The following KLHL4 variants were observed in gnomAD, a reference collection of about 807,000 sequenced individuals.
KLHL4 encodes kelch-like protein 4.
Under a neutral mutation model 45.8 loss-of-function variants are expected in KLHL4, and 17 were observed. That is an observed-to-expected ratio of 0.37 (90% CI 0.25 to 0.56). KLHL4 has a LOEUF of 0.56. Ranked by LOEUF, KLHL4 falls within the 20% of genes least tolerant of loss-of-function variation. KLHL4 has a pLI of 0.79. For missense variants in KLHL4, 544 were observed against 544.9 expected, an observed-to-expected ratio of 1.00 and a Z score of 0.02; for synonymous variants, 224 against 189.9, an observed-to-expected ratio of 1.18 and a Z score of -1.47.
At chrX:87,547,911 A>G (rs1157383103) in intron 1 of KLHL4, among the ~76,000 whole-genome samples, 2 of 112,246 alleles carry the variant, frequency 1.8e-5, no homozygotes, top group Admixed American at 9.5e-5. Flanking sequence ...TATTCACCTT[A>G]AAGAAAAGGT....
rs1432716140 is a variant in KLHL4, at chrX:87,622,221, T to C, written c.935T>C (p.Ile312Thr). Reference sequence around the variant, plus strand: ...ACCTTTCTTTTCTAGGAACACTTCATTGAGGTAATAAAAAACCAAGAATTC... The same window carrying C: ...ACCTTTCTTTTCTAGGAACACTTCACTGAGGTAATAAAAAACCAAGAATTC... ...VAHKYTMEHFIEVIKNQEFLL... is the reference protein window; with the variant it reads ...VAHKYTMEHFTEVIKNQEFLL... The change falls in exon 5 of 11, where the codon ATT (isoleucine) becomes ACT (threonine). Residue 312 changes from isoleucine to threonine, a missense_variant. Ile to Thr is a moderately conservative substitution (Grantham distance 89, BLOSUM62 -1). Coordinates refer to ENST00000373119, the MANE Select transcript of KLHL4 (RefSeq NM_019117.5). 3 of 1,200,648 alleles carry C rather than the reference T, an allele frequency of 2.5e-6. No individual in the cohort carries two copies. The highest frequency in any genetic ancestry group is 1.1e-6 in the Non-Finnish European group (1 of 885,648).
intron 1 of KLHL4, among the ~76,000 whole-genome samples, chrX:87,550,227 G>A (rs770635111): frequency 2.7e-5 from 3 of 110,677 alleles, no homozygotes; most frequent in African/African-American, 9.8e-5. Flanking sequence ...AACCTGAGCC[G>A]ACCAATAACA....
intron 1 of KLHL4, among the ~76,000 whole-genome samples, chrX:87,581,088 T>C (rs1199002350): frequency 1.8e-5 from 2 of 112,576 alleles, no homozygotes; most frequent in Non-Finnish European, 3.8e-5. Flanking sequence ...GACATGGCTA[T>C]TTTGTCAAGG....
chrX:87,640,198 TAA>T (rs1923406262), intron 9 of KLHL4, among the ~76,000 whole-genome samples: 1 of 110,533 alleles, frequency 9.0e-6, no homozygotes, highest in African/African-American at 3.3e-5. Flanking sequence ...AAACAGTAAC[TAA>T]AAAGTTACCA....
intron 1 of KLHL4, among the ~76,000 whole-genome samples, chrX:87,552,277 A>T (rs974627374): frequency 9.0e-5 from 10 of 111,710 alleles, no homozygotes; most frequent in Non-Finnish European, 3.8e-5. Context: ...AATGGCCAAC[A>T]AACATATAAA....
chrX:87,539,817 T>G (rs137966823), intron 1 of KLHL4, among the ~76,000 whole-genome samples: 1,149 of 111,481 alleles, frequency 0.01, 6 homozygotes, highest in Non-Finnish European at 0.017. Context: ...TATCTCCATC[T>G]ATGAAGAGCC....
chrX:87,652,260 G>A (rs766132086), intron 9 of KLHL4, among the ~76,000 whole-genome samples: 22 of 112,416 alleles, frequency 2.0e-4, no homozygotes, highest in African/African-American at 6.8e-4. Flanking sequence ...TCTCTGGCAT[G>A]CCCTAGAGAC....
chrX:87,524,436 T>C (rs1931069312), intron 1 of KLHL4, among the ~76,000 whole-genome samples: 1 of 111,834 alleles, frequency 8.9e-6, no homozygotes, highest in East Asian at 2.8e-4. Flanking sequence ...ATGTTGACAG[T>C]ATGTACACTT....
At chrX:87,600,750 A>C (rs1353317815) in intron 1 of KLHL4, among the ~76,000 whole-genome samples, 1 of 112,324 alleles carries the variant, frequency 8.9e-6, no homozygotes, top group African/African-American at 3.2e-5. Context: ...AAGAAGTCTA[A>C]AAAATATAAA....
chrX:87,549,657 T>C (rs1334808349), intron 1 of KLHL4, among the ~76,000 whole-genome samples: 13 of 111,280 alleles, frequency 1.2e-4, no homozygotes. Context: ...TTAAACAATA[T>C]GCTTCTGAAT....
intron 9 of KLHL4, among the ~76,000 whole-genome samples, chrX:87,654,001 A>G (rs1923904178): frequency 9.0e-6 from 1 of 110,750 alleles, no homozygotes; most frequent in Non-Finnish European, 1.9e-5. Context: ...GGTCGGGGAG[A>G]TCATAAGGAA....
At chrX:87,611,994 G>T (rs2147812391) in intron 1 of KLHL4, among the ~76,000 whole-genome samples, 1 of 111,889 alleles carries the variant, frequency 8.9e-6, no homozygotes, top group Non-Finnish European at 1.9e-5. Context: ...AAGGATATAA[G>T]AAAATGTTTT....
intron 1 of KLHL4, among the ~76,000 whole-genome samples, chrX:87,537,377 A>T (rs900644538): frequency 3.6e-5 from 4 of 111,383 alleles, no homozygotes; most frequent in Non-Finnish European, 7.6e-5. Flanking sequence ...GGTTTTCTTC[A>T]AATTATTTTA....
At chrX:87,550,444 C>T (rs1931786330) in intron 1 of KLHL4, among the ~76,000 whole-genome samples, 2 of 111,075 alleles carry the variant, frequency 1.8e-5, no homozygotes, top group African/African-American at 6.5e-5. Context: ...AGAATCAGTA[C>T]CAGTCATTTT....
chrX:87,560,961 A>C (rs1234510474), intron 1 of KLHL4, among the ~76,000 whole-genome samples: 1 of 111,660 alleles, frequency 9.0e-6, no homozygotes, highest in Non-Finnish European at 1.9e-5. Flanking sequence ...CAGAAGAATG[A>C]AACTAGCCCA....
chrX:87,531,112 G>T (rs765671105), intron 1 of KLHL4, among the ~76,000 whole-genome samples: 2,166 of 110,213 alleles, frequency 0.02, 59 homozygotes, highest in African/African-American at 0.068. Context: ...CTTTTTGATG[G>T]GGTTGTTTTT....
At position 87,668,123 on chromosome X, in the gene KLHL4, A is replaced by T; in HGVS notation, c.*1589A>T. ...TGCAGTTCTAGAGGTGAAGATAGAG[A>T]CATAGAGAGGCTGTGAAACACACAT... On this transcript the variant is annotated 3_prime_UTR_variant, in exon 11 of 11. Transcript: ENST00000373119. 1.3e-6 allele frequency: 1 copy of T among 752,493 alleles called. No homozygotes were observed. Among genetic ancestry groups the T allele is most frequent in the South Asian group, 6.8e-5 (1 of 14,805 alleles). The allele number at this position is 752,493 out of a possible 1,213,427, so 62.0% of individuals were successfully genotyped here.
intron 1 of KLHL4, among the ~76,000 whole-genome samples, chrX:87,540,554 T>G (rs1260652274): frequency 9.0e-6 from 1 of 111,093 alleles, no homozygotes; most frequent in Non-Finnish European, 1.9e-5. Flanking sequence ...ACAGAATCAA[T>G]ATAATCAATA....
intron 1 of KLHL4, among the ~76,000 whole-genome samples, chrX:87,591,489 T>C (rs1374800255): frequency 9.0e-6 from 1 of 111,705 alleles, no homozygotes; most frequent in Non-Finnish European, 1.9e-5. Context: ...TCCATTTTTT[T>C]AGTCAGATTA....
Sources: allele counts gnomAD v4.1 joint callset (sites outside exome capture counted in the v4.1 genomes callset), GRCh38; gene constraint gnomAD v4.1.1; transcripts MANE v1.5; gene names NCBI Gene and HGNC (gene_info 2026-07-23, HGNC 2026-07-21).